The following RIN3 variants were observed in gnomAD, a reference collection of about 807,000 sequenced individuals.
RIN3 encodes RAB5 interacting protein 3.
A neutral mutation model predicts 76.3 loss-of-function variants in RIN3; 54 were observed. The observed-to-expected ratio is 0.71, with a 90% CI of 0.57 to 0.89. The LOEUF (loss-of-function observed/expected upper bound fraction) is 0.89. RIN3 is among the 40% of genes least tolerant of loss of function. The probability of loss-of-function intolerance (pLI) is 0.00; values close to 1 mark genes in which losing one functional copy is unlikely to be tolerated. For missense variants in RIN3, 1,256 were observed against 1,322.1 expected (o/e 0.95, Z 0.78); for synonymous variants, 576 against 564.0 (o/e 1.02, Z -0.30).
chr14:92,520,919 C>CT (rs1247160298), intron 1 of RIN3, among the ~76,000 whole-genome samples: 8 of 149,888 alleles, frequency 5.3e-5, no homozygotes, highest in Admixed American at 2.6e-4. Flanking sequence ...AAAGCAAGGA[C>CT]TTATCTCTCT....
At chr14:92,602,667 C>G (rs1885387671) in intron 3 of RIN3, among the ~76,000 whole-genome samples, 1 of 152,194 alleles carries the variant, frequency 6.6e-6, no homozygotes, top group Non-Finnish European at 1.5e-5. Context: ...CTGTAACCCT[C>G]CATGACTCCT....
intron 3 of RIN3, among the ~76,000 whole-genome samples, chr14:92,606,214 T>C (rs1885522156): frequency 6.6e-6 from 1 of 150,446 alleles, no homozygotes; most frequent in Non-Finnish European, 1.5e-5. Context: ...GCAAATCACA[T>C]ATCTGACAAA....
intron 3 of RIN3, among the ~76,000 whole-genome samples, chr14:92,601,247 G>A (rs1171437769): frequency 2.0e-5 from 3 of 152,108 alleles, no homozygotes; most frequent in Non-Finnish European, 4.4e-5. Context: ...GAAAATTGAT[G>A]TTGCACACAT....
rs58288914 is a variant in RIN3, at chr14:92,629,117, AAGAGAGAGAGAGAGAGAG to A, written c.441-12101_441-12084del. 1.7e-4 allele frequency among the ~76,000 whole-genome samples: 25 copies of A among 145,382 alleles called. 1 individual carries two copies. The South Asian group carries it at 2.9e-3, about 17-fold the overall frequency. On this transcript the variant is annotated intron_variant, in intron 4 of 9. Transcript: ENST00000216487. ...CCAAGGGTCCTGAGTCGGAAAGGAA[AAGAGAGAGAGAGAGAGAG>A]AGAGAGAGAGAGAGAGAGATTGATT...
At chr14:92,633,096 GC>G (rs946352551) in intron 4 of RIN3, among the ~76,000 whole-genome samples, 3 of 152,196 alleles carry the variant, frequency 2.0e-5, no homozygotes, top group African/African-American at 7.2e-5. Flanking sequence ...GGAGGTGACT[GC>G]CCCAGGCAAT....
At chr14:92,536,742 G>GAAAAA (rs66654234) in intron 1 of RIN3, among the ~76,000 whole-genome samples, 2 of 128,234 alleles carry the variant, frequency 1.6e-5, no homozygotes, top group Non-Finnish European at 1.6e-5. Context: ...CTCCGTCTCA[G>GAAAAA]AAAAAAAAAA....
intron 3 of RIN3, among the ~76,000 whole-genome samples, chr14:92,607,144 A>T (rs934045079): frequency 5.9e-5 from 9 of 152,276 alleles, no homozygotes; most frequent in African/African-American, 1.2e-4. Context: ...AAACAATCAC[A>T]TGAAAGGATG....
In RIN3 at chr14:92,515,262, C is replaced by T. The variant is rs55930890; in HGVS notation, c.44+1286C>T. On this transcript the variant is annotated intron_variant, in intron 1 of 9. Coordinates refer to ENST00000216487, the MANE Select transcript of RIN3 (RefSeq NM_024832.5). ...GAACTGGGAATCCGTTGGGGAAGAG[C>T]CCCCCAACCCTCACACCCACTTGCA... The T allele has an allele frequency of 1.0e-5, 7 of 699,412 alleles. No individual in the cohort carries two copies. The South Asian group carries it at 1.0e-4, about 10-fold the overall frequency. 43.3% of individuals were successfully genotyped at this position (699,412 alleles called of 1,614,324 possible).
Position 92,652,297 on chromosome 14 carries a change from A to G in RIN3, c.1248A>G (p.Gln416=), listed in dbSNP as rs370197741. The G allele has an allele frequency of 5.6e-6, 9 of 1,609,662 alleles. No homozygotes were observed. Among genetic ancestry groups the G allele is most frequent in the East Asian group, 2.2e-5 (1 of 44,748 alleles). ...GGGACCAGCTCAGCCTGCCTCCCCA[A>G]GGGACCTCAGACGGCCCTGAGGACA... ...AEGDQLSLPP[Q]GTSDGPEDTP... Residue 416 remains glutamine, a synonymous_variant, in exon 6 of 10, where the codon CAA becomes CAG. Transcript: ENST00000216487. The surrounding 1 kb of genome is among the most constrained non-coding windows in gnomAD (Gnocchi z 6.4).
chr14:92,515,181 C>A (rs1221093727), intron 1 of RIN3: 4 of 687,470 alleles, frequency 5.8e-6, no homozygotes, highest in African/African-American at 3.5e-5. Flanking sequence ...ATTCTGGATG[C>A]TGGTTTCTTT....
intron 4 of RIN3, among the ~76,000 whole-genome samples, chr14:92,620,876 G>T (rs1408252101): frequency 6.6e-6 from 1 of 152,188 alleles, no homozygotes; most frequent in Non-Finnish European, 1.5e-5. Flanking sequence ...TAGGCACATG[G>T]CCAATAAGTA....
chr14:92,593,572 A>G (rs1885057277), intron 3 of RIN3, among the ~76,000 whole-genome samples: 2 of 152,170 alleles, frequency 1.3e-5, no homozygotes, highest in African/African-American at 4.8e-5. Context: ...GGGTTGCATT[A>G]GGAGATGTAC....
intron 4 of RIN3, among the ~76,000 whole-genome samples, chr14:92,630,153 A>G (rs1886518563): frequency 1.3e-5 from 2 of 152,294 alleles, no homozygotes; most frequent in South Asian, 4.1e-4. Flanking sequence ...GAATGATAAT[A>G]TCGTTATATT....
Position 92,555,731 on chromosome 14 carries a change from C to A in RIN3, c.45-20C>A. On this transcript the variant is annotated intron_variant, in intron 1 of 9. Coordinates refer to ENST00000216487, the MANE Select transcript of RIN3 (RefSeq NM_024832.5). Reference sequence around the variant, plus strand: ...CTGGGCTGGCTGCAGGATAGCTGATCATTGAATTCTGTTTTTCAGTCCGGT... The same window carrying A: ...CTGGGCTGGCTGCAGGATAGCTGATAATTGAATTCTGTTTTTCAGTCCGGT... 1 of 1,612,708 alleles carries A rather than the reference C, an allele frequency of 6.2e-7. No individual in the cohort carries two copies. Among genetic ancestry groups the A allele is most frequent in the Non-Finnish European group, 8.5e-7 (1 of 1,178,844 alleles).
chr14:92,604,955 G>A (rs1454825688), intron 3 of RIN3, among the ~76,000 whole-genome samples: 1 of 118,804 alleles, frequency 8.4e-6, no homozygotes, highest in Non-Finnish European at 1.6e-5. Context: ...GATGGAGGGA[G>A]TCTCCCTCTG....
At chr14:92,667,659 A>G (rs1446382205) in intron 7 of RIN3, among the ~76,000 whole-genome samples, 1 of 152,212 alleles carries the variant, frequency 6.6e-6, no homozygotes, top group Non-Finnish European at 1.5e-5. Context: ...TTGGTTAAGG[A>G]AACATTTGCT....
At chr14:92,614,844 CTT>C (rs71301939) in intron 3 of RIN3, among the ~76,000 whole-genome samples, 63 of 118,182 alleles carry the variant, frequency 5.3e-4, no homozygotes, top group African/African-American at 1.7e-3. Context: ...TCTGGTATGT[CTT>C]TTTTTTTTTT....
At chr14:92,567,187 C>T (rs936148676) in intron 2 of RIN3, among the ~76,000 whole-genome samples, 1 of 152,148 alleles carries the variant, frequency 6.6e-6, no homozygotes, top group Non-Finnish European at 1.5e-5. Context: ...TATGTGTATT[C>T]GTCAGCAATG....
At chr14:92,543,618 C>CTTTT in intron 1 of RIN3, among the ~76,000 whole-genome samples, 1 of 84,884 alleles carries the variant, frequency 1.2e-5, no homozygotes, top group Non-Finnish European at 2.1e-5. Context: ...AAGGCTTTTG[C>CTTTT]TTTTTTTTTT....
Sources: gnomAD v4.1 joint callset for allele counts (sites outside exome capture counted in the v4.1 genomes callset) on GRCh38, gnomAD v4.1.1 for gene constraint, Gnocchi (gnomAD v3.1) non-coding constraint, MANE v1.5 for transcripts, NCBI Gene and HGNC (gene_info 2026-07-23, HGNC 2026-07-21) for gene names.